PLA2R1: variants seen among roughly 807,000 people sequenced by gnomAD.
PLA2R1 encodes phospholipase A2 receptor 1, also known as secretory phospholipase A2 receptor.
PLA2R1 carries 158 observed loss-of-function variants against 195.9 expected under a neutral mutation model. That is an observed-to-expected ratio of 0.81 (90% CI 0.71 to 0.92). The LOEUF (loss-of-function observed/expected upper bound fraction) is 0.92. Ranked by LOEUF, PLA2R1 falls within the 40% of genes least tolerant of loss-of-function variation. The probability of loss-of-function intolerance (pLI) is 0.00; values close to 1 mark genes in which losing one functional copy is unlikely to be tolerated. For synonymous variants in PLA2R1, 586 were observed against 598.2 expected, an observed-to-expected ratio of 0.98 and a Z score of 0.30; for missense variants, 1,626 against 1,764.6, an observed-to-expected ratio of 0.92 and a Z score of 1.41.
At chr2:160,051,144 C>A (rs2105663948) in intron 1 of PLA2R1, among the ~76,000 whole-genome samples, 1 of 152,314 alleles carries the variant, frequency 6.6e-6, no homozygotes, top group South Asian at 2.1e-4. Context: ...TTCTGGTATT[C>A]AATAAATTAC....
chr2:160,015,649 G>T (rs1431687817), intron 9 of PLA2R1, among the ~76,000 whole-genome samples: 2 of 152,098 alleles, frequency 1.3e-5, no homozygotes, highest in Non-Finnish European at 2.9e-5. Context: ...TTTCATATCA[G>T]GTAGAGATTA....
chr2:160,047,928 T>C (rs568170437), intron 1 of PLA2R1, among the ~76,000 whole-genome samples: 100 of 152,322 alleles, frequency 6.6e-4, no homozygotes, highest in African/African-American at 2.3e-3. Flanking sequence ...CAGGCTCAAC[T>C]GATCCTCCCA....
chr2:159,947,747 G>T (rs62176716), intron 25 of PLA2R1, among the ~76,000 whole-genome samples, 188 bp from the exon 26 acceptor site: 2,789 of 152,300 alleles, frequency 0.018, 44 homozygotes, highest in Middle Eastern at 0.041. Flanking sequence ...ATTTCTGACA[G>T]AAATAATCTT....
intron 1 of PLA2R1, among the ~76,000 whole-genome samples, chr2:160,057,053 G>A (rs775879746): frequency 6.6e-6 from 1 of 152,144 alleles, no homozygotes; most frequent in Non-Finnish European, 1.5e-5. Context: ...TTAGCCAGGG[G>A]AAGGCCTTCG....
chr2:160,022,987 A>C (rs1693243371), intron 6 of PLA2R1, 128 bp from the exon 7 acceptor site: 1 of 638,658 alleles, frequency 1.6e-6, no homozygotes, highest in Non-Finnish European at 2.7e-6. Flanking sequence ...ACAAAATGAC[A>C]TATATCATGG....
intron 11 of PLA2R1, among the ~76,000 whole-genome samples, chr2:159,997,978 CT>C (rs971060103): frequency 1.5e-4 from 23 of 152,076 alleles, no homozygotes; most frequent in African/African-American, 4.6e-4. Context: ...TGATCTCTCT[CT>C]TTTTTCTTTT....
downstream of PLA2R1, among the ~76,000 whole-genome samples, chr2:159,927,585 C>A (rs999509076): frequency 3.3e-5 from 5 of 152,204 alleles, no homozygotes; most frequent in African/African-American, 1.2e-4. Context: ...TTTAACTCCC[C>A]ACTTTCAGAA....
chr2:159,941,719 G>T lies in PLA2R1; in HGVS notation c.*59C>A. On this transcript the variant is annotated 3_prime_UTR_variant, in exon 30 of 30. Transcript: ENST00000283243. ...GTGCTGTAAAGGGAAAGACAGATGAGACTCCTGTTTAGTCTTCTTTACTTA... is the reference window on the plus strand; with the variant it reads ...GTGCTGTAAAGGGAAAGACAGATGATACTCCTGTTTAGTCTTCTTTACTTA... 1 of 859,160 alleles carries T rather than the reference G, an allele frequency of 1.2e-6. No individual in the cohort carries two copies. The highest frequency in any genetic ancestry group is 1.9e-6 in the Non-Finnish European group (1 of 517,870). The allele number at this position is 859,160 out of a possible 1,614,324, so 53.2% of individuals were successfully genotyped here.
chr2:160,048,884 A>G (rs967546573), intron 1 of PLA2R1, among the ~76,000 whole-genome samples: 19 of 137,144 alleles, frequency 1.4e-4, no homozygotes, highest in African/African-American at 4.2e-4. Context: ...TCTGTCACCC[A>G]GGCTGGAGTG....
intron 10 of PLA2R1, among the ~76,000 whole-genome samples, chr2:160,011,347 C>T (rs888107935): frequency 6.6e-5 from 10 of 152,236 alleles, no homozygotes; most frequent in Admixed American, 3.9e-4. Flanking sequence ...TGTCTATGTT[C>T]GATCTCTTCA....
Position 159,967,545 on chromosome 2 carries a change from G to A in PLA2R1, c.2898C>T (p.Asn966=), listed in dbSNP as rs1382891479. 3 of 1,612,982 alleles carry A rather than the reference G, an allele frequency of 1.9e-6. No homozygotes were observed. Among genetic ancestry groups the A allele is most frequent in the Non-Finnish European group, 2.5e-6 (3 of 1,179,398 alleles). The stretch of plus-strand genomic sequence containing the variant: ...TTTTGAAAAACAAGCTTACCTTATA[G>A]TTAAAATATAGCCATCCTTTGGGAC... The part of the protein sequence containing the change: ...GTCPKGWLYF[N]YKCLLLNIPK... The change falls in exon 20 of 30, where the codon AAC becomes AAT. Residue 966 remains asparagine (N), a synonymous_variant. Transcript: ENST00000283243.
intron 9 of PLA2R1, 125 bp downstream of exon 9, chr2:160,016,489 A>T (rs1451220338): frequency 3.1e-6 from 2 of 649,880 alleles, no homozygotes; most frequent in Middle Eastern, 2.6e-4. Flanking sequence ...GTGCGAGGAG[A>T]GAGAGAGAGA....
intron 25 of PLA2R1, 106 bp downstream of exon 25, chr2:159,949,502 G>T: frequency 5.6e-6 from 4 of 719,202 alleles, no homozygotes; most frequent in East Asian, 2.7e-5. Context: ...GCTTCTTGAA[G>T]AGAGACTTCT....
chr2:160,005,984 T>A (rs569926986), intron 10 of PLA2R1, among the ~76,000 whole-genome samples, 163 bp from the exon 11 acceptor site: 1 of 152,318 alleles, frequency 6.6e-6, no homozygotes, highest in Admixed American at 6.5e-5. Flanking sequence ...ACATTACTAA[T>A]AAATGCCGAA....
chr2:160,042,574 G>A (rs1043525187), intron 2 of PLA2R1, among the ~76,000 whole-genome samples: 1 of 151,962 alleles, frequency 6.6e-6, no homozygotes, highest in Non-Finnish European at 1.5e-5. Flanking sequence ...AGATTCATAG[G>A]CATTTATTAA....
intron 1 of PLA2R1, among the ~76,000 whole-genome samples, chr2:160,056,298 TTG>T (rs754430875): frequency 2.6e-5 from 4 of 152,164 alleles, no homozygotes; most frequent in Non-Finnish European, 4.4e-5. Flanking sequence ...ATGCTGTGGG[TTG>T]TGATGTAAAA....
intron 11 of PLA2R1, among the ~76,000 whole-genome samples, chr2:160,004,047 C>A (rs1410657266): frequency 6.6e-6 from 1 of 152,126 alleles, no homozygotes; most frequent in African/African-American, 2.4e-5. Context: ...TAGACAAACA[C>A]CAGCAGGATC....
intron 20 of PLA2R1, among the ~76,000 whole-genome samples, chr2:159,960,992 T>C (rs1688399339): frequency 6.6e-6 from 1 of 152,182 alleles, no homozygotes; most frequent in African/African-American, 2.4e-5. Flanking sequence ...GCTTTATTTG[T>C]TAATAGGGAA....
At chr2:160,049,455 C>T (rs1238467321) in intron 1 of PLA2R1, among the ~76,000 whole-genome samples, 2 of 152,166 alleles carry the variant, frequency 1.3e-5, no homozygotes, top group Non-Finnish European at 2.9e-5. Flanking sequence ...AATTATTTGC[C>T]TAAATATCTG....
Sources: gnomAD v4.1 joint callset for allele counts (sites outside exome capture counted in the v4.1 genomes callset) on GRCh38, gnomAD v4.1.1 for gene constraint, MANE v1.5 for transcripts, NCBI Gene and HGNC (gene_info 2026-07-23, HGNC 2026-07-21) for gene names.